The following TENM4 variants were observed in gnomAD, a reference collection of about 807,000 sequenced individuals.
TENM4 encodes teneurin transmembrane protein 4, also known as teneurin-4.
Under a neutral mutation model 243.3 loss-of-function variants are expected in TENM4, and 82 were observed. The ratio of observed to expected loss-of-function variants is 0.34; its 90% CI spans 0.28 to 0.40. TENM4 has a LOEUF of 0.40. Among genes scored for constraint, TENM4 ranks in the 10% least tolerant of loss-of-function variants. TENM4 has a pLI of 1.00. For missense variants in TENM4, 3,138 were observed against 3,673.3 expected, an observed-to-expected ratio of 0.85 and a Z score of 3.77; for synonymous variants, 1,412 against 1,456.3, an observed-to-expected ratio of 0.97 and a Z score of 0.69.
At position 79,277,835 on chromosome 11, in the gene TENM4, A is replaced by G. The variant is rs540423121; in HGVS notation, c.-265+19653T>C. Among the ~76,000 whole-genome samples, 137 of 152,146 alleles carry G rather than the reference A, an allele frequency of 9.0e-4. 1 individual carries two copies. The highest frequency in any genetic ancestry group is 1.8e-3 in the Non-Finnish European group (124 of 67,998). On this transcript the variant is annotated intron_variant, in intron 2 of 33. Coordinates refer to ENST00000278550, the MANE Select transcript of TENM4 (RefSeq NM_001098816.3). ...TTTTCTGAGGGTCTTCTTTATTTTG[A>G]TGGCTAGTTCTCACCATCTTGGCCC...
chr11:79,395,803 C>T (rs1187424047), intron 1 of TENM4, among the ~76,000 whole-genome samples: 1 of 152,140 alleles, frequency 6.6e-6, no homozygotes, highest in African/African-American at 2.4e-5. Context: ...TGCTTTATGG[C>T]CTTTAATATC....
chr11:78,727,434 C>CAAA (rs397973910), intron 22 of TENM4, among the ~76,000 whole-genome samples: 2 of 93,314 alleles, frequency 2.1e-5, no homozygotes, highest in Non-Finnish European at 5.0e-5. Context: ...GACTCCGCCT[C>CAAA]AAAAAAAAAA....
At position 79,195,581 on chromosome 11, in the gene TENM4, C is replaced by T. The variant is rs146340947; in HGVS notation, c.-163+20227G>A. On this transcript the variant is annotated intron_variant, in intron 3 of 33. Transcript: ENST00000278550. ...AATTTGACTGCCGCTGGATTTTGGA[C>T]TTTCATGGGCCCTGTAACCCCTTTG... is the stretch of plus-strand genomic sequence containing the variant. 2.4e-3 allele frequency among the ~76,000 whole-genome samples: 359 copies of T among 152,278 alleles called. 1 individual carries two copies. The highest frequency in any genetic ancestry group is 8.0e-3 in the African/African-American group (333 of 41,566).
At chr11:79,133,022 A>G (rs571364921) in intron 4 of TENM4, among the ~76,000 whole-genome samples, 2 of 152,306 alleles carry the variant, frequency 1.3e-5, no homozygotes, top group South Asian at 4.1e-4. Flanking sequence ...ATGAAATTGA[A>G]ACAAAGAAAC....
chr11:78,906,629 G>A (rs1856068889), intron 6 of TENM4, among the ~76,000 whole-genome samples: 1 of 152,202 alleles, frequency 6.6e-6, no homozygotes, highest in African/African-American at 2.4e-5. Context: ...AATGTTCTGG[G>A]CCAAATCCTT....
chr11:79,044,422 A>G (rs1369460), intron 6 of TENM4, among the ~76,000 whole-genome samples: 2 of 152,144 alleles, frequency 1.3e-5, no homozygotes, highest in African/African-American at 4.8e-5. Context: ...GGTGGGGCGC[A>G]TAGGAGGCGG....
intron 15 of TENM4, among the ~76,000 whole-genome samples, chr11:78,801,487 A>C (rs1298017348): frequency 6.6e-6 from 1 of 152,200 alleles, no homozygotes; most frequent in Non-Finnish European, 1.5e-5. Flanking sequence ...GTTGCCAGGA[A>C]GCCAGGGAAC....
At chr11:79,229,449 C>T (rs1409680987) in intron 2 of TENM4, among the ~76,000 whole-genome samples, 1 of 152,182 alleles carries the variant, frequency 6.6e-6, no homozygotes, top group African/African-American at 2.4e-5. Flanking sequence ...TTTGCTGTTT[C>T]TTCTGCCAAA....
At chr11:79,217,880 G>A (rs1424746045) in intron 2 of TENM4, among the ~76,000 whole-genome samples, 2 of 152,038 alleles carry the variant, frequency 1.3e-5, no homozygotes, top group Admixed American at 1.3e-4. Context: ...CCACCACCAC[G>A]GCTGGCTAAT....
chr11:78,722,844 G>A lies in TENM4; in HGVS notation c.3624C>T (p.Gly1208=), dbSNP rs368278113. The A allele has an allele frequency of 3.0e-4, 485 of 1,613,944 alleles. 2 individuals carry two copies. Among genetic ancestry groups the A allele is most frequent in the Non-Finnish European group, 4.0e-4 (473 of 1,179,906 alleles). The change falls in exon 24 of 34, where the codon GGC becomes GGT. Residue 1208 remains glycine (G), a synonymous_variant. Transcript: ENST00000278550. ...AGGAGATGCTTCTCCGGCGCCCATTGCCCATGATGCTCCCAATGACAGGAG... is the reference window on the plus strand; with the variant it reads ...AGGAGATGCTTCTCCGGCGCCCATTACCCATGATGCTCCCAATGACAGGAG... The part of the protein sequence containing the change: ...QQPPVIGSIM[G]NGRRRSISCP...
At position 79,042,981 on chromosome 11, in the gene TENM4, A is replaced by G. The variant is rs111791803; in HGVS notation, c.493+21757T>C. Among the ~76,000 whole-genome samples the G allele has an allele frequency of 2.9e-3, 446 of 152,318 alleles. 3 individuals carry two copies. The highest frequency in any genetic ancestry group is 0.01 in the African/African-American group (422 of 41,566). On this transcript the variant is annotated intron_variant, in intron 6 of 33. Transcript: ENST00000278550. ...GTGGTGCCCAAGCACGTCTTGCCAC[A>G]AAAGCCACCTGCGCTGAGCTCCCTC...
chr11:78,713,098 G>A (rs2135806981), intron 25 of TENM4, among the ~76,000 whole-genome samples: 1 of 152,262 alleles, frequency 6.6e-6, no homozygotes, highest in South Asian at 2.1e-4. Context: ...CTAGAAGGAT[G>A]GATGCTCTTG....
chr11:79,225,803 G>A (rs1240144312), intron 2 of TENM4, among the ~76,000 whole-genome samples: 1 of 152,092 alleles, frequency 6.6e-6, no homozygotes, highest in Non-Finnish European at 1.5e-5. Context: ...TGAGTATGAT[G>A]GTTTGGAGGG....
chr11:79,078,205 T>C (rs921791032), intron 4 of TENM4, among the ~76,000 whole-genome samples: 9 of 152,124 alleles, frequency 5.9e-5, no homozygotes, highest in African/African-American at 2.2e-4. Context: ...AGCCAGGAAA[T>C]TGACTGAATT....
In TENM4 at chr11:78,903,254, T is replaced by C; in HGVS notation, c.749+14A>G. On this transcript the variant is annotated intron_variant, in intron 7 of 33. Transcript: ENST00000278550. ...CCACCCTCCTCAGCCTCACCCTCCC[T>C]ACCGGCCGCGCACCTGGTCTCCAGG... 1 of 1,487,916 alleles carries C rather than the reference T, an allele frequency of 6.7e-7. No homozygotes were observed. The highest frequency in any genetic ancestry group is 8.9e-7 in the Non-Finnish European group (1 of 1,124,564). The allele number at this position is 1,487,916 out of a possible 1,614,324, so 92.2% of individuals were successfully genotyped here.
chr11:78,855,499 A>T (rs1858660317), intron 11 of TENM4, among the ~76,000 whole-genome samples: 1 of 152,218 alleles, frequency 6.6e-6, no homozygotes, highest in Non-Finnish European at 1.5e-5. Flanking sequence ...CAGGTCCTGC[A>T]CTAGCTGCCT....
chr11:79,193,727 G>T (rs549582488), intron 3 of TENM4, among the ~76,000 whole-genome samples: 4 of 152,282 alleles, frequency 2.6e-5, no homozygotes, highest in East Asian at 1.9e-4. Flanking sequence ...TGGGCAGATG[G>T]GTTCTTCTCT....
At chr11:78,898,238 G>A (rs1242279279) in intron 7 of TENM4, among the ~76,000 whole-genome samples, 1 of 152,232 alleles carries the variant, frequency 6.6e-6, no homozygotes, top group Non-Finnish European at 1.5e-5. Flanking sequence ...TATGGCAGGT[G>A]CAGAGAAAGG....
chr11:78,676,645 T>C (rs73496505), intron 29 of TENM4, among the ~76,000 whole-genome samples: 19,513 of 152,246 alleles, frequency 0.13, 4,109 homozygotes, highest in African/African-American at 0.44. Context: ...CAGTTTAAAA[T>C]AGGTAAGAGT....
Sources: gnomAD v4.1 joint callset for allele counts (sites outside exome capture counted in the v4.1 genomes callset) on GRCh38, gnomAD v4.1.1 for gene constraint, MANE v1.5 for transcripts, NCBI Gene and HGNC (gene_info 2026-07-23, HGNC 2026-07-21) for gene names.